ZDHHC11B: variants seen among roughly 807,000 people sequenced by gnomAD.
The protein encoded by ZDHHC11B is probable palmitoyltransferase ZDHHC11B.
Under a neutral mutation model 42.3 loss-of-function variants are expected in ZDHHC11B, and 17 were observed. The observed-to-expected ratio is 0.40, with a 90% CI of 0.27 to 0.60. The LOEUF is 0.60. Among genes scored for constraint, ZDHHC11B ranks in the 20% least tolerant of loss-of-function variants. ZDHHC11B has a pLI of 0.41. For missense variants in ZDHHC11B, 262 were observed against 463.2 expected, an observed-to-expected ratio of 0.57 and a Z score of 3.99; for synonymous variants, 123 against 193.5, an observed-to-expected ratio of 0.64 and a Z score of 3.02.
At position 771,544 on chromosome 5, in the gene ZDHHC11B, G is replaced by A. The variant is rs114984510; in HGVS notation, c.-229-2614C>T. Reference sequence around the variant, plus strand: ...AAGGGCCGTCTGGGGGCAGGATCCTGGGGGTGGAAAGGCTGGGTCAGGTGT... The same window carrying A: ...AAGGGCCGTCTGGGGGCAGGATCCTAGGGGTGGAAAGGCTGGGTCAGGTGT... On this transcript the variant is annotated intron_variant, in intron 1 of 13. Transcript: ENST00000508859. 8.2e-3 allele frequency among the ~76,000 whole-genome samples: 1,235 copies of A among 151,400 alleles called. 25 individuals are homozygous for A. Among genetic ancestry groups the A allele is most frequent in the African/African-American group, 0.028 (1,141 of 41,142 alleles).
At chr5:735,795 C>T (rs1411608311) in intron 10 of ZDHHC11B, among the ~76,000 whole-genome samples, 9 of 149,812 alleles carry the variant, frequency 6.0e-5, no homozygotes, top group African/African-American at 1.7e-4. Context: ...CAAGTCAGTC[C>T]TACAAGAAAT....
chr5:775,519 G>T (rs554111222), intron 1 of ZDHHC11B, among the ~76,000 whole-genome samples: 1 of 151,956 alleles, frequency 6.6e-6, no homozygotes, highest in Non-Finnish European at 1.5e-5. Flanking sequence ...CATCAGGCAC[G>T]CACGCCACAC....
At position 766,710 on chromosome 5, in the gene ZDHHC11B, G is replaced by GT. The variant is rs1735445063; in HGVS notation, c.209dup (p.Tyr70Ter). 1.2e-6 allele frequency: 2 copies of GT among 1,609,548 alleles called. No individual in the cohort carries two copies. The highest frequency in any genetic ancestry group is 4.5e-5 in the East Asian group (2 of 44,798). The change falls in exon 4 of 14, where the codon TAC becomes TAAC. Residue 70 changes from tyrosine to a stop codon, truncating the protein, a stop_gained and frameshift_variant. Coordinates refer to ENST00000508859, the MANE Select transcript of ZDHHC11B (RefSeq NM_001351303.2). LOFTEE classifies it high-confidence loss of function. ...FIPLLPHSWK[Y>*]IAYVVTGGIF... ...ATGAAAAGGATACCACATAGGCGAT[G>GT]TATTTCCACGAGTGAGGCAGGAGGG... is the stretch of plus-strand genomic sequence containing the variant.
chr5:729,847 T>C (rs1254640003), intron 12 of ZDHHC11B, among the ~76,000 whole-genome samples: 2 of 151,808 alleles, frequency 1.3e-5, no homozygotes, highest in African/African-American at 4.8e-5. Flanking sequence ...CTCTATGTTC[T>C]GTGAGAAGTG....
rs1397117898 is a variant in ZDHHC11B at position 750,479 on chromosome 5, T to C, written c.628+654A>G. On this transcript the variant is annotated intron_variant, in intron 7 of 13. Coordinates refer to ENST00000508859, the MANE Select transcript of ZDHHC11B (RefSeq NM_001351303.2). ...TCTTACAAGCACACTCGTGGCTAGA[T>C]TTGGGCTCCCTGGGACATCCCAGCA... 2.3e-5 allele frequency among the ~76,000 whole-genome samples: 3 copies of C among 130,910 alleles called. 1 individual carries two copies. The highest frequency in any genetic ancestry group is 5.1e-5 in the Non-Finnish European group (3 of 58,658). 85.9% of individuals were successfully genotyped at this position (130,910 alleles called of 152,430 possible). A position where few individuals can be genotyped will look rare whatever the true frequency, so the allele number is the denominator to read the frequency against.
intron 12 of ZDHHC11B, among the ~76,000 whole-genome samples, chr5:721,642 C>T (rs1206445938): frequency 6.6e-6 from 1 of 151,594 alleles, no homozygotes; most frequent in Non-Finnish European, 1.5e-5. Context: ...CCCCACACAG[C>T]AAGCAGCTAG....
At chr5:746,755 C>A (rs4957096) in intron 8 of ZDHHC11B, among the ~76,000 whole-genome samples, 111,533 of 148,814 alleles carry the variant, frequency 0.75, 40,751 homozygotes, top group Middle Eastern at 0.85. Flanking sequence ...AGCCTGCAGC[C>A]CCCCACGTGC....
intron 6 of ZDHHC11B, among the ~76,000 whole-genome samples, chr5:753,013 A>C (rs325138): frequency 0.69 from 81,245 of 118,568 alleles, 31,732 homozygotes; most frequent in East Asian, 0.86. Flanking sequence ...CCACCCAGGG[A>C]CATTCTCCTC....
At chr5:713,333 A>T (rs1741509798) in intron 13 of ZDHHC11B, among the ~76,000 whole-genome samples, 1 of 152,004 alleles carries the variant, frequency 6.6e-6, no homozygotes, top group Non-Finnish European at 1.5e-5. Context: ...TGTTTTTCCA[A>T]ATCTGCTTTG....
intron 4 of ZDHHC11B, among the ~76,000 whole-genome samples, chr5:759,761 A>G (rs1348882712): frequency 5.9e-5 from 9 of 151,876 alleles, no homozygotes; most frequent in Non-Finnish European, 1.2e-4. Context: ...TCCACAACAC[A>G]GCATCCCTTA....
intron 1 of ZDHHC11B, among the ~76,000 whole-genome samples, chr5:773,026 C>T (rs1241507437): frequency 6.6e-6 from 1 of 151,962 alleles, no homozygotes; most frequent in Admixed American, 6.6e-5. Context: ...AGGAGCAGGA[C>T]ACGGGCCACA....
intron 3 of ZDHHC11B, 141 bp from the exon 4 acceptor site, chr5:767,060 C>T: frequency 9.1e-7 from 1 of 1,102,674 alleles, no homozygotes. Context: ...TTGCCTGGGG[C>T]CACGTTCCCC....
At chr5:757,039 A>C (rs999853131) in intron 4 of ZDHHC11B, among the ~76,000 whole-genome samples, 10 of 151,892 alleles carry the variant, frequency 6.6e-5, no homozygotes, top group South Asian at 2.1e-4. Context: ...GCTCCCCGTG[A>C]CTGGAACGTC....
intron 1 of ZDHHC11B, among the ~76,000 whole-genome samples, chr5:776,370 G>C (rs1736483416): frequency 6.6e-6 from 1 of 151,850 alleles, no homozygotes; most frequent in Non-Finnish European, 1.5e-5. Flanking sequence ...CCAGGTCGCT[G>C]ACTGAGGGAG....
chr5:772,865 C>G (rs1424205973), intron 1 of ZDHHC11B, among the ~76,000 whole-genome samples: 2 of 151,850 alleles, frequency 1.3e-5, no homozygotes, highest in African/African-American at 4.8e-5. Flanking sequence ...ATCTGAGCTT[C>G]ACTGTTCTAG....
chr5:733,747 C>G lies in ZDHHC11B; in HGVS notation c.1023+5G>C. ...CAGGGTGCATTGCTGGTGACTGCAA[C>G]TTACCTGTGCCTTCGAATCCCCGTC... On this transcript the variant is annotated splice_donor_5th_base_variant and intron_variant, in intron 11 of 13. Transcript: ENST00000508859. The G allele has an allele frequency of 1.2e-6, 2 of 1,610,004 alleles. No individual in the cohort carries two copies. The highest frequency in any genetic ancestry group is 4.5e-5 in the East Asian group (2 of 44,768).
Position 773,066 on chromosome 5 carries a change from G to A in ZDHHC11B, c.-229-4136C>T, listed in dbSNP as rs200678527. Among the ~76,000 whole-genome samples, 5 of 152,076 alleles carry A rather than the reference G, an allele frequency of 3.3e-5. No homozygotes were observed. In the East Asian group the frequency reaches 9.6e-4, roughly 29 times the overall value. On this transcript the variant is annotated intron_variant, in intron 1 of 13. Coordinates refer to ENST00000508859, the MANE Select transcript of ZDHHC11B (RefSeq NM_001351303.2). ...CAGATCAGGAGCGGAGAAGATGGGAGATGCACTGTCTGGATCGCTTCATTA... is the reference window on the plus strand; with the variant it reads ...CAGATCAGGAGCGGAGAAGATGGGAAATGCACTGTCTGGATCGCTTCATTA...
intron 4 of ZDHHC11B, among the ~76,000 whole-genome samples, chr5:760,371 G>A (rs1287879476): frequency 7.2e-5 from 11 of 151,776 alleles, no homozygotes; most frequent in South Asian, 6.3e-4. Flanking sequence ...GGAACCCAAC[G>A]GCAGCAGACA....
At chr5:715,176 G>T (rs1437382777) in intron 13 of ZDHHC11B, among the ~76,000 whole-genome samples, 1 of 150,918 alleles carries the variant, frequency 6.6e-6, no homozygotes, top group Non-Finnish European at 1.5e-5. Context: ...ACTAAGACAC[G>T]CCTTGTGTCC....
Sources: gnomAD v4.1 joint callset for allele counts (sites outside exome capture counted in the v4.1 genomes callset) on GRCh38, gnomAD v4.1.1 for gene constraint, MANE v1.5 for transcripts, NCBI Gene and HGNC (gene_info 2026-07-23, HGNC 2026-07-21) for gene names.